BCCIP: variants seen among roughly 807,000 people sequenced by gnomAD.
BCCIP encodes BRCA2 and CDKN1A interacting protein.
A neutral mutation model predicts 32.8 loss-of-function variants in BCCIP; 23 were observed. The ratio of observed to expected loss-of-function variants is 0.70; its 90% CI spans 0.51 to 0.99. BCCIP has a LOEUF of 0.99. BCCIP is among the 50% of genes least tolerant of loss of function. The pLI, the probability that BCCIP is intolerant of heterozygous loss-of-function variation, is 0.00. For missense variants in BCCIP, 378 were observed against 379.8 expected (o/e 1.00, Z 0.04); for synonymous variants, 144 against 137.6 (o/e 1.05, Z -0.33).
chr10:125,848,599 C>T (rs765036571), intron 7 of BCCIP, among the ~76,000 whole-genome samples: 26 of 152,200 alleles, frequency 1.7e-4, no homozygotes, highest in Non-Finnish European at 3.8e-4. Context: ...AGTGCTGTTG[C>T]TGTTATCTGC....
chr10:125,839,288 C>T, downstream of BCCIP: 12 of 1,275,186 alleles, frequency 9.4e-6, no homozygotes, highest in Non-Finnish European at 1.3e-5. Context: ...GTGCTCTCCT[C>T]TCCTACAAAG....
At chr10:125,847,360 A>T (rs919297717), downstream of BCCIP, among the ~76,000 whole-genome samples, 4 of 152,218 alleles carry the variant, frequency 2.6e-5, no homozygotes, top group Non-Finnish European at 1.5e-5. Context: ...GAGCTGGATT[A>T]CTAGTGCTTG....
intron 6 of BCCIP, among the ~76,000 whole-genome samples, chr10:125,834,349 TCAGTGTGGAAGCTGGGGCAC>T (rs1854596371): frequency 6.6e-6 from 1 of 152,122 alleles, no homozygotes. Flanking sequence ...ACACAGCTGG[TCAGTGTGGAAGCTGGGGCAC>T]CCCTGCTGCT....
chr10:125,831,678 GTA>G, intron 5 of BCCIP, 71 bp downstream of exon 5: 1 of 1,395,492 alleles, frequency 7.2e-7, no homozygotes, highest in Non-Finnish European at 9.8e-7. Context: ...TGTCATTTAA[GTA>G]GAATATGTAG....
chr10:125,842,758 C>CA (rs1203721001), exon 7 of BCCIP: 41 of 904,010 alleles, frequency 4.5e-5, no homozygotes, highest in Non-Finnish European at 5.2e-5. Flanking sequence ...AAATAGTAGA[C>CA]AAAGATGTTA....
exon 7 of BCCIP, chr10:125,841,744 T>C: frequency 6.2e-7 from 1 of 1,609,972 alleles, no homozygotes; most frequent in South Asian, 1.1e-5. Flanking sequence ...TAAGGATACC[T>C]GTTACCATGG....
downstream of BCCIP, chr10:125,841,202 T>C: frequency 6.4e-7 from 1 of 1,552,622 alleles, no homozygotes; most frequent in Non-Finnish European, 8.9e-7. Context: ...TGTGTGTGTT[T>C]GCTTTTCTAA....
downstream of BCCIP, among the ~76,000 whole-genome samples, chr10:125,839,415 C>T (rs1854806650): frequency 6.6e-6 from 1 of 152,236 alleles, no homozygotes; most frequent in Non-Finnish European, 1.5e-5. Flanking sequence ...GCACCCATGC[C>T]ACCTGCTGGG....
chr10:125,843,270 A>G (rs895855664), downstream of BCCIP, among the ~76,000 whole-genome samples: 1 of 152,128 alleles, frequency 6.6e-6, no homozygotes, highest in Admixed American at 6.5e-5. Context: ...AGTTCAAAGT[A>G]ACATATGGTA....
At chr10:125,834,059 CTG>C in intron 6 of BCCIP, 113 bp downstream of exon 6, 1 of 1,169,988 alleles carries the variant, frequency 8.5e-7, no homozygotes, top group Non-Finnish European at 1.2e-6. Context: ...TGTGGCTACT[CTG>C]TTTTTCTGTT....
chr10:125,849,655 C>T (rs1215852547), intron 7 of BCCIP, among the ~76,000 whole-genome samples: 4 of 152,198 alleles, frequency 2.6e-5, no homozygotes, highest in Non-Finnish European at 5.9e-5. Flanking sequence ...TCAGGCACTG[C>T]GGCAGAGCTA....
chr10:125,852,716 T>C, intron 7 of BCCIP: 2 of 1,337,110 alleles, frequency 1.5e-6, no homozygotes, highest in Non-Finnish European at 2.1e-6. Flanking sequence ...CTGAAGAGAA[T>C]ATGCTGCGCA....
chr10:125,823,799 T>C (rs955449082), intron 1 of BCCIP, 77 bp downstream of exon 1: 2 of 1,568,402 alleles, frequency 1.3e-6, no homozygotes, highest in African/African-American at 2.7e-5. Context: ...GTAAAAATAG[T>C]GTAGGGTCTT....
At chr10:125,835,902 G>A (rs1854667913) in intron 6 of BCCIP, among the ~76,000 whole-genome samples, 2 of 152,186 alleles carry the variant, frequency 1.3e-5, no homozygotes, top group African/African-American at 4.8e-5. Flanking sequence ...TTCCTCATGT[G>A]GGTTTAAAAT....
intron 6 of BCCIP, among the ~76,000 whole-genome samples, chr10:125,834,599 T>G (rs1030370017): frequency 3.3e-5 from 5 of 150,238 alleles, no homozygotes; most frequent in Non-Finnish European, 5.9e-5. Context: ...GGCCAGAAAT[T>G]CAAGACCAGC....
chr10:125,839,182 A>T, downstream of BCCIP: 1 of 1,614,180 alleles, frequency 6.2e-7, no homozygotes, highest in Non-Finnish European at 8.5e-7. Context: ...CCACTTTTCC[A>T]CACAGTCTAG....
chr10:125,841,658 A>C, exon 7 of BCCIP: 1 of 1,533,826 alleles, frequency 6.5e-7, no homozygotes, highest in South Asian at 1.3e-5. Flanking sequence ...TGTGCTCCTC[A>C]AAATATAATT....
At chr10:125,850,160 A>G (rs958850631) in intron 7 of BCCIP, among the ~76,000 whole-genome samples, 2 of 149,578 alleles carry the variant, frequency 1.3e-5, no homozygotes, top group African/African-American at 4.9e-5. Context: ...AAAAATTTGT[A>G]GAGATGGGGT....
chr10:125,842,149 C>T (rs1439728582), exon 7 of BCCIP: 4 of 620,022 alleles, frequency 6.5e-6, no homozygotes, highest in East Asian at 3.6e-5. Context: ...GCTCATGCTC[C>T]GAGGAGGGTC....
Sources: allele counts gnomAD v4.1 joint callset (sites outside exome capture counted in the v4.1 genomes callset), GRCh38; gene constraint gnomAD v4.1.1; transcripts MANE v1.5; gene names NCBI Gene and HGNC (gene_info 2026-07-23, HGNC 2026-07-21).